The following H2BC5 variants were observed in gnomAD, a reference collection of about 807,000 sequenced individuals.
H2BC5 encodes H2B clustered histone 5, also known as histone H2B type 1-D.
A neutral mutation model predicts 5.7 loss-of-function variants in H2BC5; 9 were observed. The observed-to-expected ratio is 1.57, with a 90% CI of 0.95 to 2.74. The LOEUF (loss-of-function observed/expected upper bound fraction) is 2.74, where lower values mean the gene tolerates loss of function less well. H2BC5 is among the 30% of genes most tolerant of loss of function. The probability of loss-of-function intolerance (pLI) is 0.00; values close to 1 mark genes in which losing one functional copy is unlikely to be tolerated. For synonymous variants in H2BC5, 133 were observed against 70.9 expected (o/e 1.88, Z -4.40); for missense variants, 175 against 168.8 (o/e 1.04, Z -0.20).
intron 1 of H2BC5, among the ~76,000 whole-genome samples, chr6:26,170,447 C>A (rs1007735858): frequency 6.6e-6 from 1 of 152,192 alleles, no homozygotes; most frequent in Non-Finnish European, 1.5e-5. Flanking sequence ...ATAGAGGCCA[C>A]TACTGAGTTG....
chr6:26,169,029 T>C (rs991084131), intron 1 of H2BC5, among the ~76,000 whole-genome samples: 1 of 151,846 alleles, frequency 6.6e-6, no homozygotes, highest in Non-Finnish European at 1.5e-5. Context: ...ATGAAAAAAT[T>C]TTTAAAAATG....
downstream of H2BC5, among the ~76,000 whole-genome samples, chr6:26,159,943 C>T (rs1764325554): frequency 6.6e-6 from 1 of 152,192 alleles, no homozygotes; most frequent in Admixed American, 6.5e-5. Flanking sequence ...TTTTACTCAA[C>T]CCGTGGAAAC....
At chr6:26,165,800 C>T (rs1273009116) in intron 1 of H2BC5, among the ~76,000 whole-genome samples, 1 of 152,172 alleles carries the variant, frequency 6.6e-6, no homozygotes, top group East Asian at 1.9e-4. Context: ...TCCAATTGAC[C>T]CCACCTGGGA....
At chr6:26,159,248 T>TG (rs1581432706), downstream of H2BC5, among the ~76,000 whole-genome samples, 1 of 135,590 alleles carries the variant, frequency 7.4e-6, no homozygotes, top group African/African-American at 2.8e-5. Context: ...TATAGGTTTT[T>TG]TTTTTTTTTT....
downstream of H2BC5, chr6:26,158,672 G>T: frequency 7.1e-7 from 1 of 1,413,752 alleles, no homozygotes; most frequent in Non-Finnish European, 9.6e-7. Flanking sequence ...TAGCACCACA[G>T]TACCAATCTT....
At chr6:26,160,514 G>GAAAAAAAAAAAA, downstream of H2BC5, among the ~76,000 whole-genome samples, 1 of 55,168 alleles carries the variant, frequency 1.8e-5, no homozygotes, top group East Asian at 5.4e-4. Context: ...TCCTGTCTCT[G>GAAAAAAAAAAAA]AAAAAAAAAA....
In H2BC5 at chr6:26,163,867, C is replaced by A. The variant is rs113170190; in HGVS notation, c.*9+5308C>A. On this transcript the variant is annotated intron_variant, in intron 1 of 1. Transcript: ENST00000289316. ...GATCTTAGCTTACTGCACCTTGGAA[C>A]TCCTGAGCTCAAGCAATCCTGCCTC... Among the ~76,000 whole-genome samples the A allele has an allele frequency of 1.8e-3, 267 of 152,248 alleles. 1 individual carries two copies. The highest frequency in any genetic ancestry group is 0.012 in the East Asian group (64 of 5,188).
chr6:26,162,153 C>T (rs1257110700), downstream of H2BC5, among the ~76,000 whole-genome samples: 3 of 152,174 alleles, frequency 2.0e-5, no homozygotes, highest in Non-Finnish European at 4.4e-5. Context: ...TATGACCTCA[C>T]ACTAAAGCAC....
chr6:26,166,701 T>C (rs1189421668), intron 1 of H2BC5, among the ~76,000 whole-genome samples: 14 of 144,452 alleles, frequency 9.7e-5, no homozygotes, highest in Non-Finnish European at 1.8e-4. Flanking sequence ...GCTTTTTTTT[T>C]TTTTTTTTTT....
At position 26,165,524 on chromosome 6, in the gene H2BC5, C is replaced by T. The variant is rs1287595370; in HGVS notation, c.*10-5451C>T. ...GTCCTGCATCCTACCCATGAAACCC[C>T]AAGGCCAAGTTTGTTTCAAACTTTT... On this transcript the variant is annotated intron_variant, in intron 1 of 1. Transcript: ENST00000289316. 3.3e-5 allele frequency among the ~76,000 whole-genome samples: 5 copies of T among 152,118 alleles called. No homozygotes were observed. The East Asian group carries it at 7.7e-4, about 23-fold the overall frequency.
chr6:26,167,340 G>C (rs537399212), intron 1 of H2BC5, among the ~76,000 whole-genome samples: 2 of 152,282 alleles, frequency 1.3e-5, no homozygotes, highest in South Asian at 4.1e-4. Flanking sequence ...CAGAAGGTCT[G>C]TGTGTCTCAG....
intron 1 of H2BC5, among the ~76,000 whole-genome samples, chr6:26,170,751 A>T (rs766433837): frequency 2.2e-4 from 34 of 152,228 alleles, no homozygotes; most frequent in Non-Finnish European, 4.7e-4. Flanking sequence ...CAAGAAGGGT[A>T]ATTGGAGAAT....
rs1764263745 is a variant in H2BC5 at position 26,158,145 on chromosome 6, C to G, written c.-25C>G. 1.3e-6 allele frequency: 2 copies of G among 1,599,722 alleles called. No individual in the cohort carries two copies. The highest frequency in any genetic ancestry group is 1.7e-6 in the Non-Finnish European group (2 of 1,174,146). On this transcript the variant is annotated 5_prime_UTR_variant, in exon 1 of 1. Transcript: ENST00000377777. ...TGATTATTTTCTCAGGTGTTTGCAACAGTGTTCTAACTATTAACGCTACGA... is the reference window on the plus strand; with the variant it reads ...TGATTATTTTCTCAGGTGTTTGCAAGAGTGTTCTAACTATTAACGCTACGA...
intron 1 of H2BC5, among the ~76,000 whole-genome samples, chr6:26,164,631 A>T (rs1353170219): frequency 1.3e-5 from 2 of 151,852 alleles, no homozygotes; most frequent in Admixed American, 6.6e-5. Flanking sequence ...AATTATTGAT[A>T]GTTCATCTGG....
intron 1 of H2BC5, among the ~76,000 whole-genome samples, chr6:26,164,684 C>A (rs1764394940): frequency 6.6e-6 from 1 of 151,900 alleles, no homozygotes; most frequent in African/African-American, 2.4e-5. Context: ...TAGGCTGCAA[C>A]CCTGGTCCCC....
chr6:26,165,075 A>G (rs950063577), intron 1 of H2BC5, among the ~76,000 whole-genome samples: 4 of 152,018 alleles, frequency 2.6e-5, no homozygotes, highest in Admixed American at 6.6e-5. Context: ...GGAAAATGGG[A>G]AAAAAAATCA....
At chr6:26,169,629 G>C (rs1206446942) in intron 1 of H2BC5, among the ~76,000 whole-genome samples, 2 of 152,024 alleles carry the variant, frequency 1.3e-5, no homozygotes, top group Non-Finnish European at 2.9e-5. Context: ...AAAAAGGTGA[G>C]AGAAATTGAG....
At chr6:26,163,956 A>G (rs1051103367) in intron 1 of H2BC5, 1 of 279,880 alleles carries the variant, frequency 3.6e-6, no homozygotes, top group African/African-American at 2.2e-5. Flanking sequence ...TATTCAATAT[A>G]AACAAGTCAC....
At position 26,158,394 on chromosome 6, in the gene H2BC5, A is replaced by C. The variant is rs556742189; in HGVS notation, c.225A>C (p.Ala75=). 61 of 1,614,270 alleles carry C rather than the reference A, an allele frequency of 3.8e-5. No individual in the cohort carries two copies. The highest frequency in any genetic ancestry group is 5.3e-5 in the African/African-American group (4 of 75,080). ...TCAACGACATCTTCGAGCGCATCGC[A>C]GGCGAGGCTTCCCGCCTGGCGCATT... ...SFVNDIFERI[A]GEASRLAHYN... Residue 75 remains alanine, a synonymous_variant, in exon 1 of 1, where the codon GCA becomes GCC. Transcript: ENST00000377777.
Sources: gnomAD v4.1 joint callset for allele counts (sites outside exome capture counted in the v4.1 genomes callset) on GRCh38, gnomAD v4.1.1 for gene constraint, MANE v1.5 for transcripts, NCBI Gene and HGNC (gene_info 2026-07-23, HGNC 2026-07-21) for gene names.